Variants in VPS13A observed in about 807,000 individuals in gnomAD.
VPS13A encodes vacuolar protein sorting 13 homolog A.
VPS13A carries 264 observed loss-of-function variants against 390.9 expected under a neutral mutation model. The ratio of observed to expected loss-of-function variants is 0.68; its 90% CI spans 0.61 to 0.75. The LOEUF (loss-of-function observed/expected upper bound fraction) is 0.75. Among genes scored for constraint, VPS13A ranks in the 30% least tolerant of loss-of-function variants. VPS13A has a pLI of 0.00. For synonymous variants in VPS13A, 1,231 were observed against 1,227.1 expected, an observed-to-expected ratio of 1.00 and a Z score of -0.07; for missense variants, 3,409 against 3,733.9, an observed-to-expected ratio of 0.91 and a Z score of 2.27.
intron 14 of VPS13A, among the ~76,000 whole-genome samples, 170 bp downstream of exon 14, chr9:77,226,158 TCAGA>T (rs1470848504): frequency 1.3e-5 from 2 of 152,160 alleles, no homozygotes; most frequent in East Asian, 1.9e-4. Context: ...TCCATTTAAA[TCAGA>T]CAGATTTCTA....
intron 47 of VPS13A, chr9:77,338,661 A>G (rs17339571): frequency 6.6e-6 from 1 of 152,166 alleles, no homozygotes; most frequent in African/African-American, 2.4e-5. Context: ...TTTAACTTGT[A>G]AAGAATCAAG....
At chr9:77,336,508 C>T (rs1434501087) in intron 46 of VPS13A, among the ~76,000 whole-genome samples, 2 of 151,716 alleles carry the variant, frequency 1.3e-5, no homozygotes, top group Non-Finnish European at 2.9e-5. Flanking sequence ...GGAAAGCTTG[C>T]GATTATTTTT....
chr9:77,335,477 C>T (rs1013451128), intron 46 of VPS13A, among the ~76,000 whole-genome samples: 1 of 152,118 alleles, frequency 6.6e-6, no homozygotes, highest in Non-Finnish European at 1.5e-5. Flanking sequence ...GGACTAATAT[C>T]CAGAATCTAC....
chr9:77,226,115 T>G (rs1225854378), intron 14 of VPS13A, 127 bp downstream of exon 14: 6 of 813,690 alleles, frequency 7.4e-6, no homozygotes, highest in African/African-American at 7.1e-5. Flanking sequence ...CTTTTTAGTA[T>G]TATAAGAAAA....
intron 70 of VPS13A, among the ~76,000 whole-genome samples, chr9:77,406,403 T>A (rs1394064456): frequency 6.6e-6 from 1 of 152,114 alleles, no homozygotes; most frequent in Non-Finnish European, 1.5e-5. Flanking sequence ...AGACCTTATA[T>A]CTACAATTCT....
chr9:77,391,688 C>T (rs1833907987), intron 68 of VPS13A, among the ~76,000 whole-genome samples: 1 of 152,172 alleles, frequency 6.6e-6, no homozygotes, highest in African/African-American at 2.4e-5. Context: ...AGTTAGAGAT[C>T]TTATGAAGAT....
intron 50 of VPS13A, among the ~76,000 whole-genome samples, chr9:77,343,409 C>A (rs1002723553): frequency 4.6e-5 from 7 of 152,186 alleles, no homozygotes; most frequent in Admixed American, 3.9e-4. Context: ...TGATGATGAT[C>A]AGGTATCACA....
chr9:77,309,548 G>A (rs926817769), intron 35 of VPS13A, among the ~76,000 whole-genome samples: 5 of 152,030 alleles, frequency 3.3e-5, no homozygotes, highest in African/African-American at 1.2e-4. Context: ...TCATAAAGAT[G>A]AATTTATAAA....
chr9:77,316,165 T>C lies in VPS13A; in HGVS notation c.4631-9T>C. ...AGCAAATATTTTAATCTATTTTTAT[T>C]TGTTTTAGTACCTACACAGGAATCA... On this transcript the variant is annotated splice_polypyrimidine_tract_variant and intron_variant, in intron 38 of 71. Transcript: ENST00000360280. 1 of 1,526,150 alleles carries C rather than the reference T, an allele frequency of 6.6e-7. No individual in the cohort carries two copies. The highest frequency in any genetic ancestry group is 2.3e-5 in the East Asian group (1 of 44,098). 94.5% of individuals were successfully genotyped at this position (1,526,150 alleles called of 1,614,324 possible).
At chr9:77,216,047 G>A (rs915280806) in intron 10 of VPS13A, among the ~76,000 whole-genome samples, 7 of 152,208 alleles carry the variant, frequency 4.6e-5, no homozygotes, top group Admixed American at 3.9e-4. Context: ...TGTGGGAGAA[G>A]CCGTGTTCTT....
intron 45 of VPS13A, among the ~76,000 whole-genome samples, chr9:77,324,487 T>A (rs72744301): frequency 0.052 from 7,973 of 152,308 alleles, 316 homozygotes; most frequent in Middle Eastern, 0.078. Flanking sequence ...ATGCTTTTTC[T>A]GTACAAGAGG....
At chr9:77,266,055 T>C (rs1826020328) in intron 23 of VPS13A, among the ~76,000 whole-genome samples, 1 of 152,216 alleles carries the variant, frequency 6.6e-6, no homozygotes, top group South Asian at 2.1e-4. Context: ...ATTTACCCAG[T>C]AGTCATTCAG....
chr9:77,381,349 A>G (rs1833426260), intron 67 of VPS13A, among the ~76,000 whole-genome samples: 1 of 152,170 alleles, frequency 6.6e-6, no homozygotes, highest in African/African-American at 2.4e-5. Context: ...AGTAATACAC[A>G]TCAAGCCCAG....
intron 45 of VPS13A, among the ~76,000 whole-genome samples, chr9:77,330,836 A>G (rs1051464515): frequency 1.3e-5 from 2 of 152,058 alleles, no homozygotes; most frequent in Admixed American, 6.6e-5. Context: ...CTCTTAGTCC[A>G]CATTCCCTCC....
chr9:77,209,553 T>G (rs1460778221), intron 6 of VPS13A, 21 bp downstream of exon 6: 13 of 1,401,716 alleles, frequency 9.3e-6, no homozygotes, highest in Non-Finnish European at 1.2e-5. Flanking sequence ...TAATATGTGA[T>G]ATTTGTTTTT....
At chr9:77,195,785 T>TA (rs1824964696) in intron 1 of VPS13A, among the ~76,000 whole-genome samples, 1 of 152,092 alleles carries the variant, frequency 6.6e-6, no homozygotes, top group Non-Finnish European at 1.5e-5. Context: ...TTTTTATTTT[T>TA]TTTCCATTCT....
At chr9:77,415,909 A>G in intron 71 of VPS13A, 47 bp from the exon 72 acceptor site, 1 of 1,607,718 alleles carries the variant, frequency 6.2e-7, no homozygotes, top group South Asian at 1.1e-5. Context: ...TTGTTTCATT[A>G]CAAGTTCACT....
chr9:77,351,840 G>A (rs762437606), intron 53 of VPS13A, among the ~76,000 whole-genome samples: 35 of 152,178 alleles, frequency 2.3e-4, no homozygotes, highest in Non-Finnish European at 4.7e-4. Flanking sequence ...CTGCACTCCA[G>A]CCTGGCGACA....
chr9:77,236,763 A>C (rs1462288987), intron 17 of VPS13A, among the ~76,000 whole-genome samples: 1 of 152,232 alleles, frequency 6.6e-6, no homozygotes, highest in Non-Finnish European at 1.5e-5. Context: ...AAAGAGGAGA[A>C]TGCCATGTGA....
Sources: gnomAD v4.1 joint callset for allele counts (sites outside exome capture counted in the v4.1 genomes callset) on GRCh38, gnomAD v4.1.1 for gene constraint, MANE v1.5 for transcripts, NCBI Gene and HGNC (gene_info 2026-07-23, HGNC 2026-07-21) for gene names.